The following PLPPR5 variants were observed in gnomAD, a reference collection of about 807,000 sequenced individuals.
PLPPR5 encodes the protein phospholipid phosphatase related 5, also known as phospholipid phosphatase-related protein type 5.
Under a neutral mutation model 33.9 loss-of-function variants are expected in PLPPR5, and 16 were observed. That is an observed-to-expected ratio of 0.47 (90% confidence interval 0.32 to 0.72). The LOEUF is 0.72. Among genes scored for constraint, PLPPR5 ranks in the 30% least tolerant of loss-of-function variants. The pLI is 0.03. For synonymous variants in PLPPR5, 163 were observed against 150.3 expected (o/e 1.08, Z -0.62); for missense variants, 301 against 406.7 (o/e 0.74, Z 2.23).
chr1:98,986,838 A>C (rs1652281147), intron 1 of PLPPR5, among the ~76,000 whole-genome samples: 1 of 151,848 alleles, frequency 6.6e-6, no homozygotes, highest in Non-Finnish European at 1.5e-5. Flanking sequence ...ATCTGCTCTT[A>C]ATAGAAAATA....
chr1:99,002,991 G>T (rs1343265601), intron 1 of PLPPR5, among the ~76,000 whole-genome samples: 1 of 141,378 alleles, frequency 7.1e-6, no homozygotes, highest in Non-Finnish European at 1.5e-5. Context: ...GTCAAATGGA[G>T]AAAAGAGAAC....
At chr1:98,927,949 CATA>C (rs1649827251) in intron 3 of PLPPR5, among the ~76,000 whole-genome samples, 1 of 151,750 alleles carries the variant, frequency 6.6e-6, no homozygotes, top group Admixed American at 6.6e-5. Context: ...ATTTTATGCT[CATA>C]ATAAAATATT....
intron 3 of PLPPR5, among the ~76,000 whole-genome samples, chr1:98,938,370 G>A (rs1288626852): frequency 6.8e-6 from 1 of 146,884 alleles, no homozygotes; most frequent in Non-Finnish European, 1.5e-5. Context: ...GGGCTGCAGT[G>A]AGGAATGTAC....
intron 4 of PLPPR5, 146 bp downstream of exon 4, chr1:98,921,736 T>C (rs925239387): frequency 1.6e-6 from 1 of 642,100 alleles, no homozygotes; most frequent in Non-Finnish European, 2.5e-6. Flanking sequence ...ATGAATGACT[T>C]AAATGATTTG....
chr1:98,925,657 TTAA>T (rs1649727996), intron 3 of PLPPR5, among the ~76,000 whole-genome samples: 3 of 151,558 alleles, frequency 2.0e-5, no homozygotes, highest in South Asian at 4.2e-4. Flanking sequence ...TGAACTATTA[TTAA>T]TAATAAAACA....
At chr1:98,990,750 A>G (rs1486805526) in intron 1 of PLPPR5, 1 of 152,148 alleles carries the variant, frequency 6.6e-6, no homozygotes, top group Non-Finnish European at 1.5e-5. Flanking sequence ...CTAGGCCTCT[A>G]TGGATGGGCA....
At chr1:98,895,756 A>G (rs1300555415) in intron 5 of PLPPR5, among the ~76,000 whole-genome samples, 1 of 151,770 alleles carries the variant, frequency 6.6e-6, no homozygotes, top group Non-Finnish European at 1.5e-5. Flanking sequence ...AGGTGCTTTC[A>G]TTTTTTTCTA....
At chr1:98,987,135 C>G (rs567127538) in intron 1 of PLPPR5, among the ~76,000 whole-genome samples, 1 of 151,892 alleles carries the variant, frequency 6.6e-6, no homozygotes, top group African/African-American at 2.4e-5. Context: ...TACTTTGATA[C>G]TGACAAACTT....
chr1:98,973,228 T>C (rs1651720211), intron 1 of PLPPR5, among the ~76,000 whole-genome samples: 1 of 152,096 alleles, frequency 6.6e-6, no homozygotes, highest in Admixed American at 6.6e-5. Context: ...CCTGAACCTG[T>C]GAAGTACCAT....
chr1:98,907,797 A>G (rs1288477643), intron 5 of PLPPR5, among the ~76,000 whole-genome samples: 1 of 152,192 alleles, frequency 6.6e-6, no homozygotes, highest in Non-Finnish European at 1.5e-5. Context: ...CATTTTCAGG[A>G]AGGTCACTTT....
intron 3 of PLPPR5, among the ~76,000 whole-genome samples, chr1:98,938,842 G>A (rs1283106236): frequency 1.3e-5 from 2 of 152,126 alleles, no homozygotes; most frequent in Non-Finnish European, 2.9e-5. Context: ...GGATGGAGCT[G>A]GTGGTCATTA....
chr1:98,966,260 G>A (rs1033510710), intron 1 of PLPPR5, among the ~76,000 whole-genome samples: 3 of 152,162 alleles, frequency 2.0e-5, no homozygotes, highest in Admixed American at 6.5e-5. Context: ...TGTTAGTAAA[G>A]TGAACTGATT....
At chr1:99,002,440 A>T (rs978782814) in intron 1 of PLPPR5, among the ~76,000 whole-genome samples, 2 of 152,194 alleles carry the variant, frequency 1.3e-5, no homozygotes, top group African/African-American at 2.4e-5. Flanking sequence ...TCCGTCCTAT[A>T]GGCATACAAA....
At position 98,890,540 on chromosome 1, in the gene PLPPR5, A is replaced by G. The variant is rs1464426587; in HGVS notation, c.*2532T>C. 1 of 152,562 alleles carries G rather than the reference A, an allele frequency of 6.6e-6. No individual in the cohort carries two copies. Among genetic ancestry groups the G allele is most frequent in the Non-Finnish European group, 1.5e-5 (1 of 68,010 alleles). The allele number at this position is 152,562 out of a possible 1,614,324, so 9.5% of individuals were successfully genotyped here. On this transcript the variant is annotated 3_prime_UTR_variant, in exon 6 of 6. Coordinates refer to ENST00000263177, the MANE Select transcript of PLPPR5 (RefSeq NM_001037317.2). ...CAAACAGAGACTACCGAAATTTTCA[A>G]GTTGACTAAATTATACTGACCTGGG... is the stretch of plus-strand genomic sequence containing the variant.
intron 5 of PLPPR5, among the ~76,000 whole-genome samples, chr1:98,897,187 C>T (rs1201208238): frequency 6.6e-6 from 1 of 152,210 alleles, no homozygotes; most frequent in African/African-American, 2.4e-5. Context: ...CAGAAGGACA[C>T]ATTTTTCTGT....
chr1:98,943,576 C>T (rs189609994), intron 3 of PLPPR5, among the ~76,000 whole-genome samples: 1 of 152,298 alleles, frequency 6.6e-6, no homozygotes, highest in East Asian at 1.9e-4. Context: ...GTCATTTCCT[C>T]AGTCCATGAG....
intron 3 of PLPPR5, among the ~76,000 whole-genome samples, chr1:98,928,621 C>A: frequency 7.4e-6 from 1 of 134,290 alleles, no homozygotes; most frequent in South Asian, 2.5e-4. Flanking sequence ...ACAAGAGCAT[C>A]ATAATTTAAA....
chr1:98,901,079 C>G (rs183000036), intron 5 of PLPPR5, among the ~76,000 whole-genome samples: 25 of 152,020 alleles, frequency 1.6e-4, no homozygotes, highest in Admixed American at 1.1e-3. Flanking sequence ...TGGAAATAAC[C>G]CAACCTTCAA....
chr1:98,974,194 A>G (rs1557689523), intron 1 of PLPPR5, among the ~76,000 whole-genome samples: 1 of 152,036 alleles, frequency 6.6e-6, no homozygotes, highest in Non-Finnish European at 1.5e-5. Flanking sequence ...GTAGAGAAGA[A>G]AATTATCATG....
Sources: allele counts gnomAD v4.1 joint callset (sites outside exome capture counted in the v4.1 genomes callset), GRCh38; gene constraint gnomAD v4.1.1; transcripts MANE v1.5; gene names NCBI Gene and HGNC (gene_info 2026-07-23, HGNC 2026-07-21).